GIPR: variants seen among roughly 807,000 people sequenced by gnomAD.
GIPR encodes gastric inhibitory polypeptide receptor, also known as GIP-R.
In GIPR, 74 loss-of-function variants were observed where a neutral mutation model predicts 62.2. That is an observed-to-expected ratio of 1.19 (90% CI 0.99 to 1.44). The LOEUF (loss-of-function observed/expected upper bound fraction) is 1.44, where lower values mean the gene tolerates loss of function less well. GIPR is among the 40% of genes most tolerant of loss of function. The pLI is 0.00. For missense variants in GIPR, 664 were observed against 611.8 expected (o/e 1.09, Z -0.90); for synonymous variants, 256 against 262.2 (o/e 0.98, Z 0.23).
chr19:45,676,867 G>A, intron 7 of GIPR, 82 bp from the exon 8 acceptor site: 1 of 1,253,030 alleles, frequency 8.0e-7, no homozygotes, highest in Non-Finnish European at 1.2e-6. Context: ...GAGACGGGGT[G>A]GAAGGGCGAT....
intron 12 of GIPR, 141 bp from the exon 13 acceptor site, chr19:45,681,463 C>A: frequency 1.3e-6 from 1 of 795,122 alleles, no homozygotes; most frequent in Non-Finnish European, 2.2e-6. Flanking sequence ...CCACTGCACT[C>A]CCGCCTGGGC....
intron 7 of GIPR, chr19:45,675,358 C>T (rs550708757): frequency 1.5e-3 from 232 of 158,500 alleles, no homozygotes; most frequent in Non-Finnish European, 2.6e-3. Context: ...GGGCAGATCA[C>T]GAGGCCAGGA....
intron 3 of GIPR, 90 bp from the exon 4 acceptor site, chr19:45,671,195 T>C: frequency 2.5e-6 from 2 of 803,848 alleles, no homozygotes; most frequent in South Asian, 2.8e-5. Context: ...CTTGGCCCAC[T>C]GCGGAGAAGC....
chr19:45,669,340 G>A, intron 1 of GIPR, 137 bp from the exon 2 acceptor site: 1 of 782,336 alleles, frequency 1.3e-6, no homozygotes, highest in Middle Eastern at 3.7e-4. Flanking sequence ...AGTTGCGGGA[G>A]CGGGTGCGCT....
chr19:45,682,870 C>T lies in GIPR; in HGVS notation c.*935C>T, dbSNP rs1967319156. The T allele has an allele frequency of 1.3e-5, 2 of 152,350 alleles. No homozygotes were observed. Among genetic ancestry groups the T allele is most frequent in the Admixed American group, 6.6e-5 (1 of 15,238 alleles). The allele number at this position is 152,350 out of a possible 1,614,324, so 9.4% of individuals were successfully genotyped here. A position where few individuals can be genotyped will look rare whatever the true frequency, so the allele number is the denominator to read the frequency against. ...AATGGGCTAATGTTTTAAACAGATC[C>T]TTCTTGTCTGCCCTGTAGGAGGACA... On this transcript the variant is annotated 3_prime_UTR_variant, in exon 14 of 14. Coordinates refer to ENST00000590918, the MANE Select transcript of GIPR (RefSeq NM_000164.4).
At position 45,682,619 on chromosome 19, in the gene GIPR, G is replaced by A. The variant is rs1243346336; in HGVS notation, c.*684G>A. On this transcript the variant is annotated 3_prime_UTR_variant, in exon 14 of 14. Coordinates refer to ENST00000590918, the MANE Select transcript of GIPR (RefSeq NM_000164.4). ...TCTGTCACCCAGGCTGGAGTGCAGT[G>A]GTGCAATTTCAGCTCACTGCACCCT... 1 of 150,128 alleles carries A rather than the reference G, an allele frequency of 6.7e-6. No individual in the cohort carries two copies. The highest frequency in any genetic ancestry group is 1.5e-5 in the Non-Finnish European group (1 of 67,842). 9.3% of individuals were successfully genotyped at this position (150,128 alleles called of 1,614,324 possible). A position where few individuals can be genotyped will look rare whatever the true frequency, so the allele number is the denominator to read the frequency against.
chr19:45,670,979 C>T (rs892847847), intron 3 of GIPR, among the ~76,000 whole-genome samples: 1 of 102,590 alleles, frequency 9.7e-6, no homozygotes, highest in East Asian at 2.8e-4. Context: ...TTGAAGGGGG[C>T]GGGGTTTGGG....
Position 45,681,932 on chromosome 19 carries a change from C to A in GIPR, c.1398C>A (p.Cys466Ter), listed in dbSNP as rs1323007255. ...NEASRELESY[C>*] ...CCAGCCGGGAGTTGGAAAGTTACTG[C>A]TAGGGGGCGGGATCCCCGTGTCTGT... The change falls in exon 14 of 14, where the codon TGC (cysteine) becomes TGA (stop). Residue 466 changes from cysteine (C) to a stop codon, truncating the protein, a stop_gained. Coordinates refer to ENST00000590918, the MANE Select transcript of GIPR (RefSeq NM_000164.4). LOFTEE classifies it high-confidence loss of function. 2.1e-5 allele frequency: 33 copies of A among 1,558,164 alleles called. No individual in the cohort carries two copies. Among genetic ancestry groups the A allele is most frequent in the Non-Finnish European group, 2.9e-5 (33 of 1,149,970 alleles).
At position 45,681,507 on chromosome 19, in the gene GIPR, C is replaced by CAAACAAAA. The variant is rs1336930218; in HGVS notation, c.1153-90_1153-89insAAAACAAA. 9.5e-5 allele frequency: 105 copies of CAAACAAAA among 1,099,938 alleles called. 2 individuals are homozygous for CAAACAAAA. The South Asian group carries it at 1.1e-3, about 11-fold the overall frequency. The allele number at this position is 1,099,938 out of a possible 1,614,324, so 68.1% of individuals were successfully genotyped here. A position where few individuals can be genotyped will look rare whatever the true frequency, so the allele number is the denominator to read the frequency against. ...CAATATTCCGACTCTTAAAAACAAA[C>CAAACAAAA]AAACAAACAAACAAACAAAAAACGG... On this transcript the variant is annotated intron_variant, in intron 12 of 13. Coordinates refer to ENST00000590918, the MANE Select transcript of GIPR (RefSeq NM_000164.4).
intron 3 of GIPR, among the ~76,000 whole-genome samples, chr19:45,671,024 A>G (rs2146068730): frequency 7.0e-6 from 1 of 143,392 alleles, no homozygotes; most frequent in Non-Finnish European, 1.5e-5. Context: ...GGGTGGGACG[A>G]TCTGGGGCGG....
chr19:45,668,542 T>C (rs1369048928), intron 1 of GIPR, among the ~76,000 whole-genome samples: 3 of 152,356 alleles, frequency 2.0e-5, no homozygotes, highest in East Asian at 1.9e-4. Flanking sequence ...CTTTGTCTCC[T>C]AGCCCACATC....
At chr19:45,681,475 A>G (rs1255564570) in intron 12 of GIPR, 129 bp from the exon 13 acceptor site, 1 of 851,784 alleles carries the variant, frequency 1.2e-6, no homozygotes, top group Non-Finnish European at 2.0e-6. Context: ...CGCCTGGGCA[A>G]CAAGAGCAAT....
At position 45,677,401 on chromosome 19, in the gene GIPR, G is replaced by C. The variant is rs1446851414; in HGVS notation, c.854+18G>C. The C allele has an allele frequency of 6.6e-7, 1 of 1,523,768 alleles. No homozygotes were observed. The highest frequency in any genetic ancestry group is 1.1e-5 in the South Asian group (1 of 88,364). 94.4% of individuals were successfully genotyped at this position (1,523,768 alleles called of 1,614,324 possible). A position where few individuals can be genotyped will look rare whatever the true frequency, so the allele number is the denominator to read the frequency against. The stretch of plus-strand genomic sequence containing the variant: ...AACACGCAGTGAGTTGCAGGGTCTG[G>C]GGCGGGGCGTGGGAGGTGGGCGGGG... On this transcript the variant is annotated intron_variant, in intron 9 of 13. Transcript: ENST00000590918.
At chr19:45,669,391 C>A in intron 1 of GIPR, 86 bp from the exon 2 acceptor site, 1 of 1,329,558 alleles carries the variant, frequency 7.5e-7, no homozygotes, top group Non-Finnish European at 1.0e-6. Context: ...CAGCCGTCTG[C>A]CCCTGTGTGT....
intron 2 of GIPR, among the ~76,000 whole-genome samples, chr19:45,669,917 C>G (rs1240464276): frequency 6.7e-6 from 1 of 149,492 alleles, no homozygotes; most frequent in East Asian, 2.1e-4. Flanking sequence ...CCACTGCACT[C>G]TAACTTGGGT....
intron 12 of GIPR, chr19:45,678,507 G>A: frequency 2.0e-6 from 1 of 496,546 alleles, no homozygotes; most frequent in Non-Finnish European, 3.7e-6. Flanking sequence ...GGGATTACAG[G>A]AATGTGCGAC....
At chr19:45,669,818 G>A (rs1975443545) in intron 2 of GIPR, among the ~76,000 whole-genome samples, 1 of 151,586 alleles carries the variant, frequency 6.6e-6, no homozygotes, top group South Asian at 2.1e-4. Context: ...GCGTGGTGGC[G>A]GCCGCCTGTA....
chr19:45,672,134 T>G (rs1975576058), intron 4 of GIPR, among the ~76,000 whole-genome samples: 1 of 151,680 alleles, frequency 6.6e-6, no homozygotes, highest in South Asian at 2.1e-4. Flanking sequence ...CGCCTCAGCC[T>G]CCCAAATAGC....
rs1424868716 is a variant in GIPR at position 45,670,736 on chromosome 19, T to C, written c.172+2T>C. 1 of 1,585,890 alleles carries C rather than the reference T, an allele frequency of 6.3e-7. No individual in the cohort carries two copies. The highest frequency in any genetic ancestry group is 8.6e-7 in the Non-Finnish European group (1 of 1,163,268). On this transcript the variant is annotated splice_donor_variant, in intron 3 of 13. Transcript: ENST00000590918. LOFTEE classifies it high-confidence loss of function. The stretch of plus-strand genomic sequence containing the variant: ...TGGCAGCCGCGGAACCGCCTTCAGG[T>C]GTGACCAGGAGGGCTGGGGACGCGG...
Sources: allele counts gnomAD v4.1 joint callset (sites outside exome capture counted in the v4.1 genomes callset), GRCh38; gene constraint gnomAD v4.1.1; transcripts MANE v1.5; gene names NCBI Gene and HGNC (gene_info 2026-07-23, HGNC 2026-07-21).